PMS1: variants seen among roughly 807,000 people sequenced by gnomAD.
PMS1 encodes PMS1 homolog 1, mismatch repair system component, also known as PMS1 protein homolog 1.
PMS1 carries 79 observed loss-of-function variants against 93.1 expected under a neutral mutation model. The observed-to-expected ratio is 0.85, with a 90% CI of 0.71 to 1.02. The LOEUF (loss-of-function observed/expected upper bound fraction) is 1.02. Among genes scored for constraint, PMS1 ranks in the 50% least tolerant of loss-of-function variants. The pLI, the probability that PMS1 is intolerant of heterozygous loss-of-function variation, is 0.00. For missense variants in PMS1, 1,064 were observed against 1,085.3 expected (o/e 0.98, Z 0.28); for synonymous variants, 335 against 363.4 (o/e 0.92, Z 0.89).
intron 9 of PMS1, among the ~76,000 whole-genome samples, chr2:189,863,520 C>T (rs772936560): frequency 2.0e-5 from 3 of 152,096 alleles, no homozygotes; most frequent in Non-Finnish European, 4.4e-5. Context: ...TCCTAAAATG[C>T]TGGGATTACA....
At chr2:189,875,040 A>AG (rs968294293) in intron 12 of PMS1, among the ~76,000 whole-genome samples, 1 of 151,956 alleles carries the variant, frequency 6.6e-6, no homozygotes, top group Non-Finnish European at 1.5e-5. Context: ...GGAAAAAAAA[A>AG]GAGAGAACTT....
chr2:189,805,174 A>G (rs1422136863), intron 3 of PMS1, among the ~76,000 whole-genome samples: 1 of 152,002 alleles, frequency 6.6e-6, no homozygotes, highest in East Asian at 1.9e-4. Context: ...AAATATATAT[A>G]TAATTTAATT....
rs2056311763 is a variant in PMS1, at chr2:189,863,991, C to T, written c.2105C>T (p.Ser702Phe). ...QNIKMVQIPFSMKNLKINFKK... is the reference protein window; with the variant it reads ...QNIKMVQIPFFMKNLKINFKK... ...ATTAAAATGGTACAGATCCCCTTTT[C>T]TATGAAAAACTTAAAAATAAATTTT... The change falls in exon 10 of 13, where the codon TCT (serine) becomes TTT (phenylalanine). Residue 702 changes from serine to phenylalanine, a missense_variant. Ser to Phe is a radical substitution (Grantham distance 155, BLOSUM62 -2). Coordinates refer to ENST00000441310, the MANE Select transcript of PMS1 (RefSeq NM_000534.5). 3.7e-6 allele frequency: 6 copies of T among 1,607,250 alleles called. No homozygotes were observed. Among genetic ancestry groups the T allele is most frequent in the Non-Finnish European group, 5.1e-6 (6 of 1,175,006 alleles).
intron 6 of PMS1, among the ~76,000 whole-genome samples, chr2:189,850,656 G>A (rs2054613281): frequency 1.3e-5 from 2 of 152,106 alleles, no homozygotes; most frequent in Admixed American, 6.6e-5. Context: ...TCATTTATAC[G>A]GGATAAGGAA....
At chr2:189,786,133 T>TA (rs1208997677) in intron 1 of PMS1, among the ~76,000 whole-genome samples, 1 of 151,230 alleles carries the variant, frequency 6.6e-6, no homozygotes, top group Admixed American at 6.6e-5. Flanking sequence ...AAATAAAAAA[T>TA]AAAAAAAGAC....
intron 1 of PMS1, among the ~76,000 whole-genome samples, chr2:189,791,074 CTT>C (rs199955049): frequency 6.9e-6 from 1 of 144,838 alleles, no homozygotes; most frequent in Non-Finnish European, 1.5e-5. Context: ...TTATTGTGGA[CTT>C]TTTTTTTTTA....
chr2:189,811,843 A>AT (rs2050875284), intron 4 of PMS1, among the ~76,000 whole-genome samples: 1 of 152,138 alleles, frequency 6.6e-6, no homozygotes, highest in Admixed American at 6.5e-5. Flanking sequence ...TTTTTTAGAG[A>AT]TTCATAAAAG....
chr2:189,827,646 C>G (rs1170880422), intron 5 of PMS1, among the ~76,000 whole-genome samples: 1 of 151,952 alleles, frequency 6.6e-6, no homozygotes, highest in Non-Finnish European at 1.5e-5. Context: ...GTATATACAA[C>G]AGAATGCCAT....
At chr2:189,794,747 TTATA>T (rs5742975) in intron 2 of PMS1, among the ~76,000 whole-genome samples, 21 of 152,182 alleles carry the variant, frequency 1.4e-4, no homozygotes, top group African/African-American at 5.1e-4. Flanking sequence ...TTTGTTTTTG[TTATA>T]TATGTATATT....
chr2:189,807,629 C>G (rs1279593998), intron 4 of PMS1, among the ~76,000 whole-genome samples: 1 of 152,220 alleles, frequency 6.6e-6, no homozygotes, highest in Non-Finnish European at 1.5e-5. Flanking sequence ...CTTTATTCAT[C>G]TCCATGGGAA....
At chr2:189,785,403 C>T (rs1035737393) in intron 1 of PMS1, 36 of 152,172 alleles carry the variant, frequency 2.4e-4, no homozygotes, top group African/African-American at 8.2e-4. Flanking sequence ...CAGAAGTGTT[C>T]CTTTTCCCTC....
intron 4 of PMS1, chr2:189,806,220 T>C (rs1386242214): frequency 7.4e-6 from 2 of 269,138 alleles, no homozygotes; most frequent in Non-Finnish European, 7.1e-6. Context: ...TCACTCAGTT[T>C]CAATAATTTA....
At chr2:189,792,438 CTATTT>C (rs1247949467) in intron 2 of PMS1, among the ~76,000 whole-genome samples, 1 of 151,794 alleles carries the variant, frequency 6.6e-6, no homozygotes, top group Non-Finnish European at 1.5e-5. Flanking sequence ...GAGATATGGT[CTATTT>C]TATTCATTTT....
chr2:189,863,591 C>A, intron 9 of PMS1, 152 bp from the exon 10 acceptor site: 1 of 634,384 alleles, frequency 1.6e-6, no homozygotes, highest in Non-Finnish European at 2.8e-6. Context: ...CAGTGTTTGT[C>A]ATAGTTATAT....
At chr2:189,857,564 T>C (rs920669429) in intron 9 of PMS1, 18 of 410,436 alleles carry the variant, frequency 4.4e-5, no homozygotes, top group African/African-American at 3.4e-4. Context: ...CATCCTTTTC[T>C]TCCTTCTTCT....
Position 189,791,922 on chromosome 2 carries a change from C to T in PMS1, c.113C>T (p.Thr38Ile). 1 of 1,613,962 alleles carries T rather than the reference C, an allele frequency of 6.2e-7. No individual in the cohort carries two copies. The highest frequency in any genetic ancestry group is 1.1e-5 in the South Asian group (1 of 91,080). Residue 38 changes from threonine (T) to isoleucine (I), a missense_variant, in exon 2 of 13, where the codon ACA becomes ATA. Thr to Ile is a moderately conservative substitution (Grantham distance 89, BLOSUM62 -1). Transcript: ENST00000441310. ...GAAAACTCCTTGGATGCTGGTGCCA[C>T]AAGCGTAGATGTTAAACTGGTGAGT... ...LIENSLDAGA[T>I]SVDVKLENYG... is the part of the protein sequence containing the mutation.
chr2:189,821,312 A>G (rs531695156), intron 5 of PMS1, among the ~76,000 whole-genome samples: 2 of 151,898 alleles, frequency 1.3e-5, no homozygotes, highest in Admixed American at 1.3e-4. Context: ...AAAATGAACC[A>G]GGCATGGTGG....
intron 2 of PMS1, among the ~76,000 whole-genome samples, chr2:189,792,705 A>ATATATATG (rs1291450471): frequency 1.4e-5 from 2 of 145,898 alleles, no homozygotes; most frequent in East Asian, 3.9e-4. Flanking sequence ...ATATATATAT[A>ATATATATG]TATATATATA....
In PMS1 at chr2:189,854,544, A is replaced by G; in HGVS notation, c.1272A>G (p.Glu424=). 6.2e-7 allele frequency: 1 copy of G among 1,613,526 alleles called. No homozygotes were observed. The highest frequency in any genetic ancestry group is 8.5e-7 in the Non-Finnish European group (1 of 1,179,596). ...TTGGTTATGGTCATTGTAGTAGTGA[A>G]ATTTCTAACATTGATAAAAACACTA... ...GDFGYGHCSS[E]ISNIDKNTKN... is the part of the protein sequence containing the mutation. Residue 424 remains glutamate (E), a synonymous_variant, in exon 9 of 13, where the codon GAA becomes GAG. Coordinates refer to ENST00000441310, the MANE Select transcript of PMS1 (RefSeq NM_000534.5).
Sources: gnomAD v4.1 joint callset for allele counts (sites outside exome capture counted in the v4.1 genomes callset) on GRCh38, gnomAD v4.1.1 for gene constraint, MANE v1.5 for transcripts, NCBI Gene and HGNC (gene_info 2026-07-23, HGNC 2026-07-21) for gene names.